The following SOX6 variants were observed in gnomAD, a reference collection of about 807,000 sequenced individuals.
The protein encoded by SOX6 is SRY-box transcription factor 6, also known as transcription factor SOX-6.
SOX6 carries 11 observed loss-of-function variants against 97.8 expected under a neutral mutation model. That is an observed-to-expected ratio of 0.11 (90% CI 0.07 to 0.19). SOX6 has a LOEUF of 0.19. Among genes scored for constraint, SOX6 ranks in the 10% least tolerant of loss-of-function variants. SOX6 has a pLI of 1.00. For missense variants in SOX6, 810 were observed against 1,039.5 expected, an observed-to-expected ratio of 0.78 and a Z score of 3.04; for synonymous variants, 360 against 371.4, an observed-to-expected ratio of 0.97 and a Z score of 0.35.
chr11:16,560,852 A>G (rs764051217), intron 4 of SOX6, among the ~76,000 whole-genome samples: 1 of 152,102 alleles, frequency 6.6e-6, no homozygotes, highest in African/African-American at 2.4e-5. Context: ...TGTATTTATA[A>G]AAGTGAAGTA....
intron 3 of SOX6, among the ~76,000 whole-genome samples, chr11:16,714,009 A>G (rs1421770817): frequency 2.6e-5 from 4 of 152,188 alleles, no homozygotes; most frequent in Non-Finnish European, 4.4e-5. Context: ...TATAACCTCC[A>G]TCATGAACCA....
At chr11:16,242,535 A>G (rs972299041) in intron 3 of SOX6, among the ~76,000 whole-genome samples, 1 of 151,848 alleles carries the variant, frequency 6.6e-6, no homozygotes. Flanking sequence ...TGTTTAAAGC[A>G]TTGCTACTTA....
At chr11:16,251,625 C>T (rs1853513515) in intron 3 of SOX6, among the ~76,000 whole-genome samples, 1 of 152,056 alleles carries the variant, frequency 6.6e-6, no homozygotes, top group Non-Finnish European at 1.5e-5. Context: ...GACTCCAGGT[C>T]CTGATTGCCA....
chr11:16,601,650 A>C (rs1025888516), intron 4 of SOX6, among the ~76,000 whole-genome samples: 33 of 152,168 alleles, frequency 2.2e-4, no homozygotes, highest in Non-Finnish European at 5.9e-5. Flanking sequence ...TATCTTTTTC[A>C]AAAGAAATTC....
Position 16,452,546 on chromosome 11 carries a change from C to G in SOX6, c.-5+23769G>C, listed in dbSNP as rs534658952. 1.5e-4 allele frequency among the ~76,000 whole-genome samples: 23 copies of G among 152,142 alleles called. No individual in the cohort carries two copies. The South Asian group carries it at 4.4e-3, about 29-fold the overall frequency. ...TTTTTTAAGCTTGATTTTGAGGAAG[C>G]CTCCACTGTTTGAAGTTTTCTTCAG... On this transcript the variant is annotated intron_variant, in intron 1 of 15. Transcript: ENST00000396356.
intron 6 of SOX6, among the ~76,000 whole-genome samples, chr11:16,150,184 G>T (rs1034291653): frequency 6.6e-6 from 1 of 152,178 alleles, no homozygotes; most frequent in Non-Finnish European, 1.5e-5. Context: ...GATTACAGAA[G>T]TGAGTTAGAG....
At chr11:16,268,456 A>G (rs962095) in intron 3 of SOX6, among the ~76,000 whole-genome samples, 117,982 of 150,892 alleles carry the variant, frequency 0.78, 46,282 homozygotes, top group Non-Finnish European at 0.8. Flanking sequence ...GATAAAGAGG[A>G]TCATTTCATA....
At chr11:16,622,749 G>A (rs59736321) in intron 3 of SOX6, among the ~76,000 whole-genome samples, 3,520 of 152,070 alleles carry the variant, frequency 0.023, 143 homozygotes, top group African/African-American at 0.08. Flanking sequence ...TCTCTTTTTC[G>A]TATAATGACT....
intron 4 of SOX6, among the ~76,000 whole-genome samples, chr11:16,530,281 A>C (rs1250164164): frequency 6.6e-6 from 1 of 152,092 alleles, no homozygotes; most frequent in Non-Finnish European, 1.5e-5. Flanking sequence ...GTAGATACTC[A>C]GTAAATGTTA....
intron 3 of SOX6, among the ~76,000 whole-genome samples, chr11:16,304,100 G>A (rs1855345756): frequency 6.6e-6 from 1 of 152,010 alleles, no homozygotes; most frequent in Non-Finnish European, 1.5e-5. Flanking sequence ...ATTTTTAGTA[G>A]AGATGGGATT....
At chr11:16,224,887 G>A (rs943116492) in intron 4 of SOX6, among the ~76,000 whole-genome samples, 7 of 151,874 alleles carry the variant, frequency 4.6e-5, no homozygotes, top group African/African-American at 1.7e-4. Context: ...TTTCTCTTCT[G>A]GATATTGAGA....
intron 3 of SOX6, among the ~76,000 whole-genome samples, chr11:16,672,683 G>C (rs1170069164): frequency 1.3e-5 from 2 of 152,154 alleles, no homozygotes; most frequent in Admixed American, 1.3e-4. Context: ...CATGGGAATT[G>C]TGAGAGTTAC....
At chr11:16,453,120 T>C (rs537450485) in intron 1 of SOX6, among the ~76,000 whole-genome samples, 21 of 152,306 alleles carry the variant, frequency 1.4e-4, no homozygotes, top group African/African-American at 4.6e-4. Flanking sequence ...TGTATAATCA[T>C]TCAGCTCTCA....
intron 4 of SOX6, among the ~76,000 whole-genome samples, chr11:16,502,015 A>G (rs1860717361): frequency 6.6e-6 from 1 of 152,206 alleles, no homozygotes; most frequent in Non-Finnish European, 1.5e-5. Context: ...ATGCACACGT[A>G]TGTTTATTGC....
At chr11:16,083,354 C>T (rs1376234363) in intron 9 of SOX6, among the ~76,000 whole-genome samples, 1 of 152,212 alleles carries the variant, frequency 6.6e-6, no homozygotes, top group African/African-American at 2.4e-5. Flanking sequence ...TTACTCTTTT[C>T]ATCGTGTTAG....
At chr11:16,336,081 C>T (rs530095505) in intron 2 of SOX6, among the ~76,000 whole-genome samples, 82 of 152,226 alleles carry the variant, frequency 5.4e-4, no homozygotes, top group African/African-American at 1.9e-3. Flanking sequence ...TTATTTCTAC[C>T]TACTTAGACT....
At chr11:16,687,818 T>A (rs1042872329) in intron 3 of SOX6, among the ~76,000 whole-genome samples, 1 of 152,164 alleles carries the variant, frequency 6.6e-6, no homozygotes, top group Non-Finnish European at 1.5e-5. Flanking sequence ...AGGCATGAGC[T>A]ATCACACCCA....
At chr11:15,973,798 G>A (rs1312236060) in intron 15 of SOX6, among the ~76,000 whole-genome samples, 1 of 152,158 alleles carries the variant, frequency 6.6e-6, no homozygotes, top group East Asian at 1.9e-4. Context: ...ACAGAGTAGA[G>A]TTGCAGAGTA....
intron 6 of SOX6, among the ~76,000 whole-genome samples, chr11:16,148,922 A>G (rs948026348): frequency 6.6e-6 from 1 of 152,150 alleles, no homozygotes; most frequent in African/African-American, 2.4e-5. Flanking sequence ...AACTGCAGCA[A>G]TAATCCCTTC....
Sources: gnomAD v4.1 joint callset for allele counts (sites outside exome capture counted in the v4.1 genomes callset) on GRCh38, gnomAD v4.1.1 for gene constraint, MANE v1.5 for transcripts, NCBI Gene and HGNC (gene_info 2026-07-23, HGNC 2026-07-21) for gene names.